The following LRRC37A2 variants were observed in gnomAD, a reference collection of about 807,000 sequenced individuals.
LRRC37A2 encodes the protein leucine rich repeat containing 37 member A2.
A neutral mutation model predicts 68.8 loss-of-function variants in LRRC37A2; 9 were observed. The observed-to-expected ratio is 0.13, with a 90% CI of 0.08 to 0.23. The LOEUF (loss-of-function observed/expected upper bound fraction) is 0.23. Ranked by LOEUF, LRRC37A2 falls within the 10% of genes least tolerant of loss-of-function variation. LRRC37A2 has a pLI of 1.00. For missense variants in LRRC37A2, 168 were observed against 950.4 expected (o/e 0.18, Z 10.82); for synonymous variants, 63 against 367.6 (o/e 0.17, Z 9.48).
the LRRC37A2 span, among the ~76,000 whole-genome samples, chr17:46,946,903 C>T: frequency 1.3e-5 from 2 of 152,150 alleles, no homozygotes; most frequent in African/African-American, 4.8e-5. Context: ...CGCGGGGCAG[C>T]AGTCAAGTGC....
chr17:46,781,885 C>T, the LRRC37A2 span, among the ~76,000 whole-genome samples: 18 of 152,260 alleles, frequency 1.2e-4, no homozygotes, highest in South Asian at 1.5e-3. Context: ...TGTCATTTTC[C>T]GGGGTCACAC....
the LRRC37A2 span, among the ~76,000 whole-genome samples, chr17:47,030,893 G>T: frequency 7.9e-5 from 12 of 152,044 alleles, no homozygotes; most frequent in Non-Finnish European, 1.8e-4. Context: ...CAAAAAAAGA[G>T]GCCCCAGCTG....
the LRRC37A2 span, among the ~76,000 whole-genome samples, chr17:46,607,924 G>A: frequency 6.0e-5 from 8 of 132,936 alleles, no homozygotes; most frequent in Non-Finnish European, 9.0e-5. Flanking sequence ...CTTGACTAAT[G>A]AATTTTGTTG....
At chr17:46,923,667 T>C in the LRRC37A2 span, 286 of 988,436 alleles carry the variant, frequency 2.9e-4, 3 homozygotes, top group Admixed American at 1.2e-4. Flanking sequence ...TCTTATTCGA[T>C]TTATACTAAA....
At chr17:46,871,878 G>A in the LRRC37A2 span, among the ~76,000 whole-genome samples, 5,925 of 152,166 alleles carry the variant, frequency 0.039, 174 homozygotes, top group African/African-American at 0.079. Flanking sequence ...CCAGGCATCT[G>A]TTTGTACCAG....
the LRRC37A2 span, among the ~76,000 whole-genome samples, chr17:46,943,098 G>A: frequency 6.6e-6 from 1 of 152,202 alleles, no homozygotes; most frequent in African/African-American, 2.4e-5. Context: ...GTAATGCCCA[G>A]GGGTAGGGAG....
chr17:46,860,316 T>G, the LRRC37A2 span, among the ~76,000 whole-genome samples: 1 of 152,108 alleles, frequency 6.6e-6, no homozygotes, highest in Non-Finnish European at 1.5e-5. Flanking sequence ...CCTTTGGGAT[T>G]ATGTGCTCAG....
chr17:46,829,035 G>T, the LRRC37A2 span, among the ~76,000 whole-genome samples: 4 of 152,236 alleles, frequency 2.6e-5, no homozygotes, highest in African/African-American at 9.6e-5. Flanking sequence ...GCTGCAACTT[G>T]ACTGCTGATG....
the LRRC37A2 span, chr17:46,939,055 T>TTGGCTTTGG: frequency 7.9e-7 from 1 of 1,261,906 alleles, no homozygotes. Context: ...GGTGGCTTTG[T>TTGGCTTTGG]TCACATAGCT....
the LRRC37A2 span, chr17:46,932,704 T>TG: frequency 9.5e-6 from 2 of 211,278 alleles, no homozygotes; most frequent in East Asian, 2.3e-4. Context: ...ATGGACTGCT[T>TG]GCCTGAGTCT....
the LRRC37A2 span, among the ~76,000 whole-genome samples, chr17:46,675,705 C>T: frequency 2.3e-5 from 3 of 132,338 alleles, no homozygotes; most frequent in Non-Finnish European, 4.6e-5. Context: ...GATTAATTAT[C>T]CTAATACTAA....
chr17:46,765,923 A>T, the LRRC37A2 span, among the ~76,000 whole-genome samples: 1 of 152,368 alleles, frequency 6.6e-6, no homozygotes, highest in Admixed American at 6.5e-5. Flanking sequence ...TCAGAAGGGC[A>T]CCATGTTGGG....
chr17:46,969,091 C>T, the LRRC37A2 span, among the ~76,000 whole-genome samples: 2 of 152,224 alleles, frequency 1.3e-5, no homozygotes, highest in Admixed American at 6.5e-5. Context: ...TCCTCACAGC[C>T]ACCGGCCTCC....
chr17:46,798,695 C>A, the LRRC37A2 span, among the ~76,000 whole-genome samples: 1 of 152,164 alleles, frequency 6.6e-6, no homozygotes, highest in Non-Finnish European at 1.5e-5. Context: ...ACAGCCAGTG[C>A]CTCAGCCATT....
At chr17:46,397,778 G>A in the LRRC37A2 span, among the ~76,000 whole-genome samples, 1 of 6,682 alleles carries the variant, frequency 1.5e-4, no homozygotes, top group East Asian at 1.0e-3. Flanking sequence ...CCATAGTTTC[G>A]TTATCCAGTC....
the LRRC37A2 span, among the ~76,000 whole-genome samples, chr17:46,850,980 C>T: frequency 2.6e-5 from 4 of 152,232 alleles, no homozygotes; most frequent in Non-Finnish European, 4.4e-5. Context: ...AAAAACAGAG[C>T]GCCCTTTCCT....
the LRRC37A2 span, chr17:46,769,737 C>CG: frequency 3.3e-5 from 53 of 1,600,622 alleles, no homozygotes; most frequent in African/African-American, 1.6e-4. Flanking sequence ...GGAGGGGAAG[C>CG]GGGGGGCTGC....
At chr17:46,937,357 A>G in the LRRC37A2 span, 1 of 152,226 alleles carries the variant, frequency 6.6e-6, no homozygotes, top group South Asian at 2.1e-4. Flanking sequence ...ATCAATGATT[A>G]TTGGAACTAG....
the LRRC37A2 span, among the ~76,000 whole-genome samples, chr17:46,988,629 C>T: frequency 3.3e-5 from 5 of 151,980 alleles, no homozygotes; most frequent in East Asian, 1.9e-4. Flanking sequence ...AACAAGTGGG[C>T]GGAGTGGTCA....
Sources: gnomAD v4.1 joint callset for allele counts (sites outside exome capture counted in the v4.1 genomes callset) on GRCh38, gnomAD v4.1.1 for gene constraint, MANE v1.5 for transcripts, NCBI Gene and HGNC (gene_info 2026-07-23, HGNC 2026-07-21) for gene names.